The following FGGY variants were observed in gnomAD, a reference collection of about 807,000 sequenced individuals.
The protein encoded by FGGY is FGGY carbohydrate kinase domain containing.
FGGY carries 72 observed loss-of-function variants against 71.3 expected under a neutral mutation model. The ratio of observed to expected loss-of-function variants is 1.01; its 90% CI spans 0.84 to 1.23. FGGY has a LOEUF of 1.23. FGGY is among the 50% of genes most tolerant of loss of function. The pLI is 0.00. For synonymous variants in FGGY, 251 were observed against 250.3 expected, an observed-to-expected ratio of 1.00 and a Z score of -0.02; for missense variants, 668 against 682.3, an observed-to-expected ratio of 0.98 and a Z score of 0.23.
chr1:59,723,016 C>A (rs927114111), intron 14 of FGGY, among the ~76,000 whole-genome samples: 1 of 152,142 alleles, frequency 6.6e-6, no homozygotes, highest in South Asian at 2.1e-4. Context: ...CCAGGATGGT[C>A]TCAATCTCCT....
In FGGY at chr1:59,651,216, A is replaced by G. The variant is rs186827784; in HGVS notation, c.1222-9003A>G. On this transcript the variant is annotated intron_variant, in intron 11 of 15. Coordinates refer to ENST00000303721, the MANE Select transcript of FGGY (RefSeq NM_018291.5). Reference sequence around the variant, plus strand: ...TAGGTGTGGTGCGGTGCTGAAAAAAATGTATATTCTGTTGATTTGGGGGTG... The same window carrying G: ...TAGGTGTGGTGCGGTGCTGAAAAAAGTGTATATTCTGTTGATTTGGGGGTG... Among the ~76,000 whole-genome samples the G allele has an allele frequency of 6.4e-3, 975 of 152,230 alleles. 11 individuals are homozygous for G. Among genetic ancestry groups the G allele is most frequent in the African/African-American group, 0.022 (929 of 41,508 alleles).
At chr1:59,584,362 A>G (rs2096247552) in intron 8 of FGGY, among the ~76,000 whole-genome samples, 1 of 150,142 alleles carries the variant, frequency 6.7e-6, no homozygotes, top group Non-Finnish European at 1.5e-5. Flanking sequence ...AGGCTTGTTC[A>G]GCATACACAA....
intron 9 of FGGY, among the ~76,000 whole-genome samples, chr1:59,621,011 A>G (rs1347964881): frequency 2.0e-5 from 3 of 152,106 alleles, no homozygotes; most frequent in East Asian, 1.9e-4. Context: ...GTCTGTGATC[A>G]AGGTGCTGGC....
chr1:59,400,547 T>G (rs1211750374), intron 5 of FGGY, among the ~76,000 whole-genome samples: 1 of 136,616 alleles, frequency 7.3e-6, no homozygotes, highest in Non-Finnish European at 1.5e-5. Context: ...TCTGTTTTGT[T>G]TTTTTTTTTT....
intron 6 of FGGY, among the ~76,000 whole-genome samples, chr1:59,459,977 C>G (rs999573893): frequency 1.3e-5 from 2 of 152,036 alleles, no homozygotes; most frequent in African/African-American, 4.8e-5. Context: ...GGAAGCCAGG[C>G]AAAGAAAAAT....
Position 59,652,291 on chromosome 1 carries a change from C to T in FGGY, c.1222-7928C>T, listed in dbSNP as rs1311973216. ...ATTCTCTGTATTTCCTGAATCTGAACGTTGGCCTGCCTTGCTAGATTGGGG... is the reference window on the plus strand; with the variant it reads ...ATTCTCTGTATTTCCTGAATCTGAATGTTGGCCTGCCTTGCTAGATTGGGG... On this transcript the variant is annotated intron_variant, in intron 11 of 15. Coordinates refer to ENST00000303721, the MANE Select transcript of FGGY (RefSeq NM_018291.5). 8.1e-4 allele frequency among the ~76,000 whole-genome samples: 119 copies of T among 146,306 alleles called. 1 individual carries two copies. The highest frequency in any genetic ancestry group is 2.5e-3 in the African/African-American group (97 of 39,182).
intron 7 of FGGY, among the ~76,000 whole-genome samples, chr1:59,514,142 G>A (rs748278177): frequency 3.3e-5 from 5 of 152,166 alleles, no homozygotes; most frequent in Non-Finnish European, 7.3e-5. Flanking sequence ...GGCAGACATG[G>A]AGTGTTTCTG....
chr1:59,494,027 C>G (rs1428014520), intron 6 of FGGY, among the ~76,000 whole-genome samples: 1 of 152,090 alleles, frequency 6.6e-6, no homozygotes, highest in Non-Finnish European at 1.5e-5. Flanking sequence ...GGGTTTGATT[C>G]AGTTCTGGGA....
intron 2 of FGGY, among the ~76,000 whole-genome samples, chr1:59,332,284 A>T (rs1014116989): frequency 1.3e-5 from 2 of 152,206 alleles, no homozygotes; most frequent in African/African-American, 4.8e-5. Flanking sequence ...GAAATTCTTT[A>T]GAAGAGCAAT....
At chr1:59,333,441 T>C (rs534646391) in intron 2 of FGGY, among the ~76,000 whole-genome samples, 10 of 152,362 alleles carry the variant, frequency 6.6e-5, no homozygotes, top group African/African-American at 2.4e-4. Flanking sequence ...TGCTGAATTC[T>C]CATATCATTG....
intron 9 of FGGY, among the ~76,000 whole-genome samples, chr1:59,625,150 C>T (rs1285560062): frequency 6.6e-6 from 1 of 152,128 alleles, no homozygotes; most frequent in Non-Finnish European, 1.5e-5. Context: ...GTTTTAGCAT[C>T]CTAGAAACTC....
At chr1:59,516,098 CCTTCTTAT>C (rs1264915115) in intron 7 of FGGY, among the ~76,000 whole-genome samples, 17 of 152,138 alleles carry the variant, frequency 1.1e-4, no homozygotes, top group African/African-American at 3.9e-4. Flanking sequence ...CCTTCTTATG[CCTTCTTAT>C]GCCTCTTTCT....
At chr1:59,314,230 G>A (rs1361027810) in intron 1 of FGGY, among the ~76,000 whole-genome samples, 1 of 152,142 alleles carries the variant, frequency 6.6e-6, no homozygotes, top group Non-Finnish European at 1.5e-5. Context: ...CTCCCAAAGT[G>A]CTGGGATTAC....
intron 7 of FGGY, among the ~76,000 whole-genome samples, chr1:59,534,329 T>C (rs2095252430): frequency 1.3e-5 from 2 of 152,118 alleles, no homozygotes; most frequent in Non-Finnish European, 2.9e-5. Flanking sequence ...TATGGGACTA[T>C]GTGAAAAGAC....
intron 8 of FGGY, among the ~76,000 whole-genome samples, chr1:59,560,874 A>T (rs961747393): frequency 4.6e-5 from 7 of 152,206 alleles, no homozygotes; most frequent in Non-Finnish European, 8.8e-5. Context: ...TTGCAGGATC[A>T]TGGCTTCCCC....
chr1:59,441,444 G>T (rs1293091725), intron 5 of FGGY, among the ~76,000 whole-genome samples: 1 of 152,154 alleles, frequency 6.6e-6, no homozygotes, highest in Admixed American at 6.5e-5. Context: ...TTCGGATAAT[G>T]GCTATCAAAT....
chr1:59,614,805 C>T (rs991452585), intron 9 of FGGY, among the ~76,000 whole-genome samples: 11 of 152,010 alleles, frequency 7.2e-5, no homozygotes, highest in South Asian at 2.1e-4. Flanking sequence ...GCAAACTCCC[C>T]GGATACAAAA....
chr1:59,687,150 G>A (rs531169809), intron 14 of FGGY, among the ~76,000 whole-genome samples: 3 of 152,254 alleles, frequency 2.0e-5, no homozygotes, highest in African/African-American at 7.2e-5. Flanking sequence ...GAGCAGGCTT[G>A]GCCATTGGGA....
rs192496219 is a variant in FGGY at position 59,539,162 on chromosome 1, T to C, written c.800-14962T>C. Among the ~76,000 whole-genome samples, 484 of 152,266 alleles carry C rather than the reference T, an allele frequency of 3.2e-3. 2 individuals are homozygous for C. The highest frequency in any genetic ancestry group is 0.011 in the African/African-American group (459 of 41,554). The stretch of plus-strand genomic sequence containing the variant: ...TCGAGGGATATATGATGTTCATTGA[T>C]TGGAAAACAGTATTATAAATGTGAC... On this transcript the variant is annotated intron_variant, in intron 7 of 15. Transcript: ENST00000303721.
Sources: gnomAD v4.1 joint callset for allele counts (sites outside exome capture counted in the v4.1 genomes callset) on GRCh38, gnomAD v4.1.1 for gene constraint, MANE v1.5 for transcripts, NCBI Gene and HGNC (gene_info 2026-07-23, HGNC 2026-07-21) for gene names.